CCDC85A: variants seen among roughly 807,000 people sequenced by gnomAD.
The protein encoded by CCDC85A is coiled-coil domain-containing protein 85A.
Under a neutral mutation model 50.2 loss-of-function variants are expected in CCDC85A, and 38 were observed. That is an observed-to-expected ratio of 0.76 (90% CI 0.58 to 0.99). CCDC85A has a LOEUF of 0.99. Among genes scored for constraint, CCDC85A ranks in the 50% least tolerant of loss-of-function variants. The pLI is 0.00. For synonymous variants in CCDC85A, 366 were observed against 301.4 expected (o/e 1.21, Z -2.22); for missense variants, 820 against 742.0 (o/e 1.11, Z -1.22).
intron 2 of CCDC85A, among the ~76,000 whole-genome samples, chr2:56,224,521 A>C (rs1488256908): frequency 1.3e-5 from 2 of 152,190 alleles, no homozygotes; most frequent in African/African-American, 2.4e-5. Flanking sequence ...TAACATTTTG[A>C]GAACCTGCCA....
chr2:56,221,413 C>G (rs983008344), intron 2 of CCDC85A, among the ~76,000 whole-genome samples: 1 of 151,686 alleles, frequency 6.6e-6, no homozygotes, highest in African/African-American at 2.4e-5. Context: ...CCATAGAACT[C>G]ATAATACTTG....
At chr2:56,374,710 G>A (rs187615089) in intron 4 of CCDC85A, among the ~76,000 whole-genome samples, 1 of 152,334 alleles carries the variant, frequency 6.6e-6, no homozygotes, top group Non-Finnish European at 1.5e-5. Flanking sequence ...TCAGGAGGCT[G>A]AGGTGGGAGG....
At chr2:56,323,905 T>G (rs1324017926) in intron 2 of CCDC85A, among the ~76,000 whole-genome samples, 1 of 152,078 alleles carries the variant, frequency 6.6e-6, no homozygotes. Flanking sequence ...ACATTTCAAG[T>G]GAATTGTTAT....
intron 3 of CCDC85A, 141 bp from the exon 4 acceptor site, chr2:56,372,203 C>A: frequency 1.4e-6 from 1 of 708,366 alleles, no homozygotes; most frequent in South Asian, 4.9e-5. Context: ...TTTATTTTTT[C>A]CCTAGCTACA....
rs1442341205 is a variant in CCDC85A, at chr2:56,184,589, C to G, written c.-36C>G. The G allele has an allele frequency of 4.3e-6, 6 of 1,386,108 alleles. No individual in the cohort carries two copies. The highest frequency in any genetic ancestry group is 3.8e-5 in the Admixed American group (1 of 26,262). The allele number at this position is 1,386,108 out of a possible 1,614,324, so 85.9% of individuals were successfully genotyped here. ...CGCGCCTTCGGGAGTCGCCTCGCCT[C>G]TTCCACCCACTTGCACCTGCCACCC... On this transcript the variant is annotated 5_prime_UTR_variant, in exon 1 of 6. Coordinates refer to ENST00000407595, the MANE Select transcript of CCDC85A (RefSeq NM_001080433.2).
chr2:56,192,882 C>A lies in CCDC85A; in HGVS notation c.682C>A (p.His228Asn). 6.2e-7 allele frequency: 1 copy of A among 1,613,054 alleles called. No homozygotes were observed. The highest frequency in any genetic ancestry group is 8.5e-7 in the Non-Finnish European group (1 of 1,179,530). Residue 228 changes from histidine (H) to asparagine (N), a missense_variant, in exon 2 of 6, where the codon CAC (histidine) becomes AAC (asparagine). Coordinates refer to ENST00000407595, the MANE Select transcript of CCDC85A (RefSeq NM_001080433.2). The surrounding 1 kb of genome is among the most constrained non-coding windows in gnomAD (Gnocchi z 4.7). ...STDSPDHHKH[H>N]ASSGSPEHLQ... ...TGACAGCCCGGACCACCACAAGCAC[C>A]ACGCGAGCAGTGGCAGCCCGGAGCA...
intron 2 of CCDC85A, among the ~76,000 whole-genome samples, chr2:56,342,211 A>G (rs1448970091): frequency 5.5e-5 from 8 of 144,632 alleles, no homozygotes; most frequent in African/African-American, 2.2e-4. Context: ...TTTTTTTTAA[A>G]TTGACCTCAA....
At chr2:56,318,345 G>A (rs1185760318) in intron 2 of CCDC85A, among the ~76,000 whole-genome samples, 2 of 151,922 alleles carry the variant, frequency 1.3e-5, no homozygotes, top group Non-Finnish European at 2.9e-5. Context: ...ACACTGCAGG[G>A]ACTGTGCATG....
chr2:56,213,528 A>G (rs973249574), intron 2 of CCDC85A, among the ~76,000 whole-genome samples: 8 of 152,002 alleles, frequency 5.3e-5, no homozygotes, highest in Admixed American at 4.6e-4. Context: ...TTTCAAACAA[A>G]AACAGTTGTT....
intron 3 of CCDC85A, among the ~76,000 whole-genome samples, chr2:56,365,969 T>A (rs1413544339): frequency 7.9e-6 from 1 of 125,916 alleles, no homozygotes; most frequent in Non-Finnish European, 1.9e-5. Flanking sequence ...AGAAATAAAC[T>A]TTTTTTTTAA....
chr2:56,184,788 G>T lies in CCDC85A; in HGVS notation c.164G>T (p.Ser55Ile). 6.5e-7 allele frequency: 1 copy of T among 1,546,446 alleles called. No individual in the cohort carries two copies. The highest frequency in any genetic ancestry group is 8.7e-7 in the Non-Finnish European group (1 of 1,146,064). ...TGGAGCAAGGAGGAGCTGATCCGCA[G>T]CCTGCGGCGCGCCGAGGCGGAGAAG... ...LQWSKEELIRSLRRAEAEKVS... is the reference protein window; with the variant it reads ...LQWSKEELIRILRRAEAEKVS... Residue 55 changes from serine (S) to isoleucine (I), a missense_variant, in exon 1 of 6, where the codon AGC becomes ATC. Coordinates refer to ENST00000407595, the MANE Select transcript of CCDC85A (RefSeq NM_001080433.2).
intron 2 of CCDC85A, among the ~76,000 whole-genome samples, chr2:56,217,032 C>G (rs1261842214): frequency 1.3e-5 from 2 of 151,874 alleles, no homozygotes; most frequent in Non-Finnish European, 2.9e-5. Context: ...GCAAAGTTGC[C>G]AATGTCAAAG....
chr2:56,279,470 G>A (rs1258651847), intron 2 of CCDC85A, among the ~76,000 whole-genome samples: 4 of 151,538 alleles, frequency 2.6e-5, no homozygotes, highest in Admixed American at 6.6e-5. Context: ...CCAGGCAATC[G>A]CTTCTCTACT....
At chr2:56,365,762 G>A (rs141393098) in intron 3 of CCDC85A, among the ~76,000 whole-genome samples, 1,829 of 152,134 alleles carry the variant, frequency 0.012, 22 homozygotes, top group Middle Eastern at 0.037. Context: ...ATCATTTTTG[G>A]GTGAGAACAC....
chr2:56,294,977 T>G (rs1169285101), intron 2 of CCDC85A, among the ~76,000 whole-genome samples: 3 of 152,202 alleles, frequency 2.0e-5, no homozygotes, highest in Non-Finnish European at 2.9e-5. Context: ...AAATACATGA[T>G]AGCATGAACT....
intron 2 of CCDC85A, among the ~76,000 whole-genome samples, chr2:56,268,075 T>C (rs1211085242): frequency 6.6e-6 from 1 of 152,246 alleles, no homozygotes; most frequent in East Asian, 1.9e-4. Flanking sequence ...ATTATCCTTT[T>C]TAATACTTCT....
At chr2:56,373,042 T>A (rs933729673) in intron 4 of CCDC85A, among the ~76,000 whole-genome samples, 2 of 152,234 alleles carry the variant, frequency 1.3e-5, no homozygotes, top group Non-Finnish European at 2.9e-5. Context: ...CAAATATTGG[T>A]CTGATTCTGC....
chr2:56,370,276 A>C (rs992884376), intron 3 of CCDC85A, among the ~76,000 whole-genome samples: 3 of 152,096 alleles, frequency 2.0e-5, no homozygotes, highest in African/African-American at 7.2e-5. Context: ...TTCAGCAAAC[A>C]CTGTAATTGG....
intron 3 of CCDC85A, among the ~76,000 whole-genome samples, chr2:56,359,646 A>G (rs929710579): frequency 6.6e-6 from 1 of 152,198 alleles, no homozygotes; most frequent in African/African-American, 2.4e-5. Context: ...GATGAAGAAA[A>G]CCATTTCTGG....
Sources: gnomAD v4.1 joint callset for allele counts (sites outside exome capture counted in the v4.1 genomes callset) on GRCh38, gnomAD v4.1.1 for gene constraint, Gnocchi (gnomAD v3.1) non-coding constraint, MANE v1.5 for transcripts, NCBI Gene and HGNC (gene_info 2026-07-23, HGNC 2026-07-21) for gene names.